The following ULK4 variants were observed in gnomAD, a reference collection of about 807,000 sequenced individuals.
The protein encoded by ULK4 is inactive serine/threonine-protein kinase ULK4.
ULK4 carries 133 observed loss-of-function variants against 160.6 expected under a neutral mutation model. That is an observed-to-expected ratio of 0.83 (90% CI 0.72 to 0.96). The LOEUF (loss-of-function observed/expected upper bound fraction) is 0.96. ULK4 is among the 40% of genes least tolerant of loss of function. The pLI, the probability that ULK4 is intolerant of heterozygous loss-of-function variation, is 0.00. For synonymous variants in ULK4, 534 were observed against 539.8 expected (o/e 0.99, Z 0.15); for missense variants, 1,580 against 1,499.5 (o/e 1.05, Z -0.89).
At chr3:41,489,693 A>C (rs1475977095) in intron 32 of ULK4, among the ~76,000 whole-genome samples, 1 of 152,144 alleles carries the variant, frequency 6.6e-6, no homozygotes, top group Non-Finnish European at 1.5e-5. Context: ...CAAGGAAGTC[A>C]GCACTAACAC....
Position 41,246,883 on chromosome 3 carries a change from C to G in ULK4, c.*46G>C. On this transcript the variant is annotated 3_prime_UTR_variant, in exon 37 of 37. Coordinates refer to ENST00000301831, the MANE Select transcript of ULK4 (RefSeq NM_017886.4). ...TGGGAGCTGACCTTGCTTATGCATC[C>G]GAGGGCTGGGGCCACAGGGCGGGCT... 1 of 1,602,920 alleles carries G rather than the reference C, an allele frequency of 6.2e-7. No homozygotes were observed. The highest frequency in any genetic ancestry group is 8.5e-7 in the Non-Finnish European group (1 of 1,174,038).
chr3:41,311,198 G>A (rs1037476483), intron 35 of ULK4, among the ~76,000 whole-genome samples: 2 of 152,188 alleles, frequency 1.3e-5, no homozygotes, highest in Non-Finnish European at 1.5e-5. Context: ...GGTTAATACT[G>A]AGTGTCAACT....
At chr3:41,518,526 GTTA>G in intron 32 of ULK4, among the ~76,000 whole-genome samples, 1 of 152,296 alleles carries the variant, frequency 6.6e-6, no homozygotes, top group Non-Finnish European at 1.5e-5. Flanking sequence ...CTGTAAATGA[GTTA>G]TTAAATGCCT....
chr3:41,954,155 C>T (rs868303824), intron 2 of ULK4, among the ~76,000 whole-genome samples: 20 of 136,300 alleles, frequency 1.5e-4, no homozygotes, highest in Admixed American at 5.9e-4. Context: ...CTAGCCTGGG[C>T]GACAGAGTGA....
intron 18 of ULK4, among the ~76,000 whole-genome samples, chr3:41,833,925 T>C (rs1052877597): frequency 6.6e-6 from 1 of 152,146 alleles, no homozygotes; most frequent in African/African-American, 2.4e-5. Flanking sequence ...TAACAGTGTA[T>C]AACTATTGAG....
chr3:41,552,158 T>A (rs911667509), intron 32 of ULK4, among the ~76,000 whole-genome samples: 1 of 152,032 alleles, frequency 6.6e-6, no homozygotes, highest in Non-Finnish European at 1.5e-5. Flanking sequence ...AACATCATGC[T>A]GTATGGTGGA....
chr3:41,945,722 T>C (rs1717025), intron 2 of ULK4, among the ~76,000 whole-genome samples: 140,411 of 152,252 alleles, frequency 0.92, 65,737 homozygotes, highest in East Asian at 1. Context: ...CCTGATGAAC[T>C]GCCTAAACTG....
intron 32 of ULK4, among the ~76,000 whole-genome samples, chr3:41,494,947 A>T (rs1477441193): frequency 6.6e-6 from 1 of 152,120 alleles, no homozygotes; most frequent in Non-Finnish European, 1.5e-5. Context: ...AAACAAATGG[A>T]AGAACATTCC....
chr3:41,911,318 T>C lies in ULK4; in HGVS notation c.1084A>G (p.Ser362Gly). 1 of 1,613,600 alleles carries C rather than the reference T, an allele frequency of 6.2e-7. No individual in the cohort carries two copies. The highest frequency in any genetic ancestry group is 8.5e-7 in the Non-Finnish European group (1 of 1,179,886). The change falls in exon 11 of 37, where the codon AGT becomes GGT. Residue 362 changes from serine (S) to glycine (G), a missense_variant and splice_region_variant. Transcript: ENST00000301831. ...TCCCTCTTTTTTCATTTTACCTACC[T>C]GAGAAGAAACATGGATTCATTCAAT... is the stretch of plus-strand genomic sequence containing the variant. ...GQLNESMFLLSSRPTPRTSTA... is the reference protein window; with the variant it reads ...GQLNESMFLLGSRPTPRTSTA...
intron 27 of ULK4, 147 bp from the exon 28 acceptor site, chr3:41,681,951 A>G: frequency 5.3e-6 from 4 of 760,074 alleles, no homozygotes; most frequent in Non-Finnish European, 8.5e-6. Flanking sequence ...TAAACTCTCC[A>G]TGACATTTAA....
intron 34 of ULK4, among the ~76,000 whole-genome samples, chr3:41,435,470 C>A (rs1421684163): frequency 3.3e-5 from 5 of 152,172 alleles, no homozygotes; most frequent in Non-Finnish European, 4.4e-5. Flanking sequence ...GGGATCAAAT[C>A]AATCAAGGCT....
At chr3:41,774,311 G>A (rs1447630463) in intron 21 of ULK4, among the ~76,000 whole-genome samples, 18 of 150,406 alleles carry the variant, frequency 1.2e-4, no homozygotes, top group African/African-American at 3.5e-4. Flanking sequence ...GAAAATTTTT[G>A]CAACCTACTC....
chr3:41,794,789 G>C (rs528352209), intron 20 of ULK4, among the ~76,000 whole-genome samples: 2 of 151,790 alleles, frequency 1.3e-5, no homozygotes, highest in South Asian at 2.1e-4. Context: ...TAATTGAGGA[G>C]GTAACACTTA....
intron 2 of ULK4, among the ~76,000 whole-genome samples, chr3:41,953,523 G>A (rs1351088006): frequency 6.6e-6 from 1 of 151,244 alleles, no homozygotes; most frequent in Non-Finnish European, 1.5e-5. Context: ...GGCTGGTCTC[G>A]AACCCAAAGT....
At chr3:41,844,989 G>A (rs914561564) in intron 17 of ULK4, among the ~76,000 whole-genome samples, 18 of 148,296 alleles carry the variant, frequency 1.2e-4, no homozygotes, top group Non-Finnish European at 1.6e-4. Flanking sequence ...TTTTTGAGAC[G>A]GAGTCTCGCC....
At chr3:41,248,479 T>C (rs1222285100) in intron 36 of ULK4, among the ~76,000 whole-genome samples, 1 of 152,046 alleles carries the variant, frequency 6.6e-6, no homozygotes, top group Non-Finnish European at 1.5e-5. Context: ...ACAAAAGGGG[T>C]AGGGTTAGGC....
intron 18 of ULK4, among the ~76,000 whole-genome samples, chr3:41,820,448 G>A (rs2125630870): frequency 6.6e-6 from 1 of 152,318 alleles, no homozygotes; most frequent in East Asian, 1.9e-4. Flanking sequence ...TAAAGAAAAT[G>A]TAGTATATAT....
chr3:41,889,865 G>A (rs7617415), intron 16 of ULK4, among the ~76,000 whole-genome samples: 6,637 of 152,182 alleles, frequency 0.044, 450 homozygotes, highest in African/African-American at 0.15. Flanking sequence ...AACCCCAAAT[G>A]TCCATCAAGA....
At chr3:41,801,401 T>C (rs917919916) in intron 19 of ULK4, among the ~76,000 whole-genome samples, 4 of 151,908 alleles carry the variant, frequency 2.6e-5, no homozygotes, top group African/African-American at 7.3e-5. Flanking sequence ...GTTGGAAAAA[T>C]GCTTGAAATA....
Sources: allele counts gnomAD v4.1 joint callset (sites outside exome capture counted in the v4.1 genomes callset), GRCh38; gene constraint gnomAD v4.1.1; transcripts MANE v1.5; gene names NCBI Gene and HGNC (gene_info 2026-07-23, HGNC 2026-07-21).